The following EMX1 variants were observed in gnomAD, a reference collection of about 807,000 sequenced individuals.
EMX1 encodes the protein empty spiracles homeobox 1, also known as homeobox protein EMX1.
A neutral mutation model predicts 20.1 loss-of-function variants in EMX1; 10 were observed. The observed-to-expected ratio is 0.50, with a 90% CI of 0.31 to 0.84. The LOEUF (loss-of-function observed/expected upper bound fraction) is 0.84. Among genes scored for constraint, EMX1 ranks in the 40% least tolerant of loss-of-function variants. EMX1 has a pLI of 0.05. For synonymous variants in EMX1, 250 were observed against 200.4 expected, an observed-to-expected ratio of 1.25 and a Z score of -2.09; for missense variants, 424 against 431.9, an observed-to-expected ratio of 0.98 and a Z score of 0.16.
At chr2:72,929,498 TC>T (rs758965716) in intron 2 of EMX1, among the ~76,000 whole-genome samples, 24 of 152,252 alleles carry the variant, frequency 1.6e-4, no homozygotes, top group Non-Finnish European at 2.4e-4. Flanking sequence ...GCCCACATGA[TC>T]AAATGATAGG....
intron 2 of EMX1, among the ~76,000 whole-genome samples, chr2:72,927,920 T>A (rs1415228555): frequency 6.6e-6 from 1 of 152,242 alleles, no homozygotes; most frequent in African/African-American, 2.4e-5. Flanking sequence ...CTTCTATCTT[T>A]CCCTTGTACT....
At chr2:72,921,806 C>T (rs1341853064) in intron 1 of EMX1, among the ~76,000 whole-genome samples, 2 of 152,006 alleles carry the variant, frequency 1.3e-5, no homozygotes, top group East Asian at 3.9e-4. Flanking sequence ...TAAGGTAGAC[C>T]CAAAGCAACC....
intron 2 of EMX1, among the ~76,000 whole-genome samples, chr2:72,932,555 C>T (rs980889235): frequency 4.6e-5 from 7 of 152,218 alleles, no homozygotes; most frequent in Admixed American, 4.6e-4. Context: ...CCACAGCCCA[C>T]AAGCACTAAG....
At chr2:72,922,250 T>C (rs1206166470) in intron 1 of EMX1, among the ~76,000 whole-genome samples, 2 of 152,352 alleles carry the variant, frequency 1.3e-5, no homozygotes, top group South Asian at 2.1e-4. Context: ...AAGCAAGTTA[T>C]TAACATTAAC....
chr2:72,916,725 T>C (rs976280690), upstream of EMX1: 1 of 717,260 alleles, frequency 1.4e-6, no homozygotes, highest in Non-Finnish European at 2.6e-6. Context: ...TAAGCCACAG[T>C]GTCTCCGAGG....
At chr2:72,931,187 GC>G (rs1450421386) in intron 2 of EMX1, among the ~76,000 whole-genome samples, 2 of 152,170 alleles carry the variant, frequency 1.3e-5, no homozygotes, top group African/African-American at 2.4e-5. Context: ...TCACTTGGGT[GC>G]CCTAGGAAGC....
intron 2 of EMX1, chr2:72,925,557 C>T (rs758539244): frequency 1.6e-6 from 2 of 1,287,730 alleles, no homozygotes; most frequent in Non-Finnish European, 2.0e-6. Context: ...TCCGCGGTCT[C>T]CCAGCTACCT....
chr2:72,932,538 G>C (rs527564421), intron 2 of EMX1, among the ~76,000 whole-genome samples: 3 of 152,222 alleles, frequency 2.0e-5, no homozygotes, highest in Non-Finnish European at 2.9e-5. Context: ...ACAGATGAAG[G>C]CTTTCTCCAC....
At chr2:72,925,478 A>C (rs892979469) in intron 2 of EMX1, 2 of 1,288,858 alleles carry the variant, frequency 1.6e-6, no homozygotes, top group Non-Finnish European at 2.0e-6. Flanking sequence ...CCCTCAGCCT[A>C]GCTGCTGCCC....
chr2:72,933,622 C>T (rs1671318500), intron 2 of EMX1, 165 bp from the exon 3 acceptor site: 1 of 723,224 alleles, frequency 1.4e-6, no homozygotes, highest in Non-Finnish European at 2.2e-6. Context: ...GAATGTTAGA[C>T]CCATGGGAGC....
intron 1 of EMX1, 152 bp from the exon 2 acceptor site, chr2:72,924,157 G>A (rs1355948632): frequency 1.0e-6 from 1 of 971,262 alleles, no homozygotes. Flanking sequence ...AAAGGGCAAA[G>A]GGAGAAATGG....
chr2:72,933,744 G>A (rs768368199), intron 2 of EMX1, 43 bp from the exon 3 acceptor site: 17 of 1,607,054 alleles, frequency 1.1e-5, no homozygotes, highest in Admixed American at 5.0e-5. Context: ...TGCTCTGGGG[G>A]CCTCCTGAGT....
At chr2:72,925,349 A>G (rs78215562) in intron 2 of EMX1, 2 of 1,178,488 alleles carry the variant, frequency 1.7e-6, no homozygotes, top group Non-Finnish European at 2.2e-6. Flanking sequence ...GATGAAAGTT[A>G]TAGGGAGGTG....
upstream of EMX1, chr2:72,917,508 A>C (rs1013228095): frequency 5.4e-6 from 1 of 184,206 alleles, no homozygotes; most frequent in Non-Finnish European, 1.1e-5. Flanking sequence ...AGCGCGGGGC[A>C]GGTGCCCGCT....
Position 72,933,938 on chromosome 2 carries a change from T to A in EMX1, c.857T>A (p.Val286Asp), listed in dbSNP as rs1166490296. The change falls in exon 3 of 3, where the codon GTC (valine) becomes GAC (aspartate). Residue 286 changes from valine to aspartate, a missense_variant. Val to Asp is a radical substitution (Grantham distance 152). Transcript: ENST00000258106. ...TKQANGEDID[V>D]TSND Reference sequence around the variant, plus strand: ...CAGGCCAATGGGGAGGACATCGATGTCACCTCCAATGACTAGGGTGGGCAA... The same window carrying A: ...CAGGCCAATGGGGAGGACATCGATGACACCTCCAATGACTAGGGTGGGCAA... 1.2e-6 allele frequency: 2 copies of A among 1,614,248 alleles called. No individual in the cohort carries two copies. Among genetic ancestry groups the A allele is most frequent in the South Asian group, 2.2e-5 (2 of 91,088 alleles).
upstream of EMX1, chr2:72,916,874 C>T (rs1224905832): frequency 1.4e-6 from 1 of 717,310 alleles, no homozygotes; most frequent in East Asian, 2.7e-5. Context: ...GAGCTGCTTC[C>T]AGCCCCGCGA....
chr2:72,933,915 G>C lies in EMX1; in HGVS notation c.834G>C (p.Gln278His). 1 of 1,614,280 alleles carries C rather than the reference G, an allele frequency of 6.2e-7. No individual in the cohort carries two copies. Among genetic ancestry groups the C allele is most frequent in the Non-Finnish European group, 8.5e-7 (1 of 1,180,046 alleles). Residue 278 changes from glutamine (Q) to histidine (H), a missense_variant, in exon 3 of 3, where the codon CAG (glutamine) becomes CAC (histidine). This residue lies in a region of EMX1 where 91 missense variants were observed against 135.2 expected (regional missense o/e 0.67). Coordinates refer to ENST00000258106, the MANE Select transcript of EMX1 (RefSeq NM_004097.3). ...HINRWRIATK[Q>H]ANGEDIDVTS... ...ACCGGTGGCGCATTGCCACGAAGCA[G>C]GCCAATGGGGAGGACATCGATGTCA... is the stretch of plus-strand genomic sequence containing the variant.
chr2:72,918,268 C>A lies in EMX1; in HGVS notation c.416C>A (p.Ser139Tyr). ...CATCCGGCGCACCAGCTGGGCGCCT[C>A]CCCGCTGCAGCCCCCGCACTCCTTC... is the stretch of plus-strand genomic sequence containing the variant. ...TVHPAHQLGA[S>Y]PLQPPHSFFG... The change falls in exon 1 of 3, where the codon TCC (serine) becomes TAC (tyrosine). Residue 139 changes from serine (S) to tyrosine (Y), a missense_variant. By Grantham distance (144) the Ser-to-Tyr change is moderately radical. Around this residue, in one of 2 missense-constraint regions of EMX1, gnomAD observed 333 missense variants for 296.6 expected, o/e 1.12. Transcript: ENST00000258106. 6.3e-7 allele frequency: 1 copy of A among 1,577,460 alleles called. No homozygotes were observed.
rs1671001883 is a variant in EMX1, at chr2:72,918,011, CGGCACCGGCGGG to C, written c.165_176del (p.Thr59_Gly62del). The C allele has an allele frequency of 4.2e-6, 6 of 1,439,022 alleles. No individual in the cohort carries two copies. Among genetic ancestry groups the C allele is most frequent in the South Asian group, 1.4e-5 (1 of 71,540 alleles). 89.1% of individuals were successfully genotyped at this position (1,439,022 alleles called of 1,614,324 possible). On this transcript the variant is annotated inframe_deletion, in exon 1 of 3. Transcript: ENST00000258106. ...TAGAGTCCTTGGTGGCCAAGGACGG[CGGCACCGGCGGG>C]GGCACTGGCGGCGGGGGCGCGGGCT...
Sources: gnomAD v4.1 joint callset for allele counts (sites outside exome capture counted in the v4.1 genomes callset) on GRCh38, gnomAD v4.1.1 for gene constraint, gnomAD v4.1.1 regional missense constraint, MANE v1.5 for transcripts, NCBI Gene and HGNC (gene_info 2026-07-23, HGNC 2026-07-21) for gene names.